Variants in NLRP7 observed in about 807,000 individuals in gnomAD.
NLRP7 encodes NACHT, LRR and PYD domains-containing protein 7.
NLRP7 carries 72 observed loss-of-function variants against 85.5 expected under a neutral mutation model. That is an observed-to-expected ratio of 0.84 (90% confidence interval 0.70 to 1.02). The LOEUF is 1.02. NLRP7 is among the 50% of genes least tolerant of loss of function. NLRP7 has a pLI of 0.00. For missense variants in NLRP7, 1,243 were observed against 1,219.5 expected (o/e 1.02, Z -0.29); for synonymous variants, 550 against 505.2 (o/e 1.09, Z -1.19).
At chr19:54,941,696 G>C in exon 2 of NLRP7, 1 of 1,612,780 alleles carries the variant, frequency 6.2e-7, no homozygotes, top group Non-Finnish European at 8.5e-7. Flanking sequence ...GTCCACTCTA[G>C]CTGGGGCGAT....
intron 9 of NLRP7, among the ~76,000 whole-genome samples, chr19:54,925,543 C>T (rs992431948): frequency 2.6e-5 from 4 of 152,018 alleles, no homozygotes; most frequent in African/African-American, 7.3e-5. Flanking sequence ...CAGTGGCTCA[C>T]GCCTGCAATC....
chr19:54,951,198 T>C (rs576472861), upstream of NLRP7, among the ~76,000 whole-genome samples: 1 of 152,172 alleles, frequency 6.6e-6, no homozygotes, highest in Non-Finnish European at 1.5e-5. Context: ...CTGTGTCTAC[T>C]TCTTTCTACA....
intron 9 of NLRP7, among the ~76,000 whole-genome samples, chr19:54,926,205 GGT>G (rs138774910): frequency 0.06 from 8,629 of 143,642 alleles, 582 homozygotes; most frequent in African/African-American, 0.15. Flanking sequence ...AATGATTAGG[GGT>G]GTGTGTGTGT....
chr19:54,939,277 G>C (rs371851565), exon 4 of NLRP7: 2 of 1,613,980 alleles, frequency 1.2e-6, no homozygotes, highest in Non-Finnish European at 1.7e-6. Flanking sequence ...CTTGAATCAG[G>C]TCGGGGTTCT....
At chr19:54,946,497 C>CT (rs35052489) in intron 1 of NLRP7, among the ~76,000 whole-genome samples, 3,384 of 140,602 alleles carry the variant, frequency 0.024, 53 homozygotes, top group South Asian at 0.042. Flanking sequence ...GCCCAGCCTA[C>CT]TTTTTTTTTT....
chr19:54,960,678 C>A (rs1272422328), intron 1 of NLRP7, among the ~76,000 whole-genome samples: 1 of 152,088 alleles, frequency 6.6e-6, no homozygotes, highest in Non-Finnish European at 1.5e-5. Context: ...TCACTGCAAG[C>A]TCCGCCTCCC....
At chr19:54,943,907 G>T (rs569583119) in intron 1 of NLRP7, among the ~76,000 whole-genome samples, 2 of 152,030 alleles carry the variant, frequency 1.3e-5, no homozygotes, top group Non-Finnish European at 2.9e-5. Flanking sequence ...TGTGTCACAC[G>T]TGGGTTTAGG....
intron 9 of NLRP7, among the ~76,000 whole-genome samples, chr19:54,924,344 C>T (rs1271984442): frequency 1.3e-5 from 2 of 152,314 alleles, no homozygotes; most frequent in East Asian, 1.9e-4. Context: ...AGATTATGGC[C>T]AGGCACGGTG....
At chr19:54,925,480 C>A (rs1246858269) in intron 9 of NLRP7, among the ~76,000 whole-genome samples, 1 of 152,090 alleles carries the variant, frequency 6.6e-6, no homozygotes, top group Non-Finnish European at 1.5e-5. Flanking sequence ...AGTTTACATG[C>A]GTATCATCTC....
At chr19:54,957,414 T>G (rs34002372) in intron 1 of NLRP7, among the ~76,000 whole-genome samples, 1 of 149,836 alleles carries the variant, frequency 6.7e-6, no homozygotes, top group Non-Finnish European at 1.5e-5. Flanking sequence ...GGTGCGATCT[T>G]AGCTCACTGC....
At chr19:54,940,371 C>G (rs777715559) in exon 4 of NLRP7, 2 of 1,614,144 alleles carry the variant, frequency 1.2e-6, no homozygotes, top group South Asian at 1.1e-5. Context: ...CTCAGAGTGA[C>G]GTCGTCATGG....
chr19:54,938,747 C>G (rs1451179577), intron 4 of NLRP7, 141 bp downstream of exon 4: 2 of 950,384 alleles, frequency 2.1e-6, no homozygotes, highest in Non-Finnish European at 3.3e-6. Flanking sequence ...GCCCCAATTC[C>G]TAATTGCCAA....
At position 54,927,691 on chromosome 19, in the gene NLRP7, G is replaced by A. The variant is rs766031898; in HGVS notation, c.2810+2808C>T. On this transcript the variant is annotated intron_variant, in intron 9 of 9. Transcript: ENST00000340844. ...TCTTCCACAAATGATTCTGGCCCAG[G>A]TCCAGAGTTTCAAGCTTCTGATTGC... is the stretch of plus-strand genomic sequence containing the variant. 3.1e-6 allele frequency: 5 copies of A among 1,613,972 alleles called. No individual in the cohort carries two copies. In the African/African-American group the frequency reaches 4.0e-5, roughly 13 times the overall value.
rs149918514 is a variant in NLRP7, at chr19:54,934,795, C to T, written c.2301-136G>A. Reference sequence around the variant, plus strand: ...CGTGATCTCACCTCACTGCAGCCTCCGCCTCCCGGGTTCAAGCTATTCTCC... The same window carrying T: ...CGTGATCTCACCTCACTGCAGCCTCTGCCTCCCGGGTTCAAGCTATTCTCC... On this transcript the variant is annotated intron_variant, in intron 6 of 9. Transcript: ENST00000340844. This position sits in a 1 kb window ranked among gnomAD's most constrained non-coding sequence, Gnocchi z 6.7. The T allele has an allele frequency of 4.1e-4, 280 of 683,944 alleles. No homozygotes were observed. Among genetic ancestry groups the T allele is most frequent in the East Asian group, 1.0e-3 (37 of 36,220 alleles). The allele number at this position is 683,944 out of a possible 1,614,324, so 42.4% of individuals were successfully genotyped here. A position where few individuals can be genotyped will look rare whatever the true frequency, so the allele number is the denominator to read the frequency against.
chr19:54,950,788 T>C (rs1240141365), upstream of NLRP7, among the ~76,000 whole-genome samples: 4 of 151,836 alleles, frequency 2.6e-5, no homozygotes, highest in African/African-American at 9.7e-5. Context: ...TGCAAAGAGG[T>C]GTTCCTTCCT....
intron 8 of NLRP7, among the ~76,000 whole-genome samples, chr19:54,932,343 G>A (rs1342216354): frequency 1.3e-5 from 2 of 151,468 alleles, no homozygotes; most frequent in Non-Finnish European, 2.9e-5. Flanking sequence ...CAGGAGAATC[G>A]CTTGAACCTG....
intron 1 of NLRP7, among the ~76,000 whole-genome samples, chr19:54,946,058 T>C (rs2069457136): frequency 6.6e-6 from 1 of 152,150 alleles, no homozygotes; most frequent in Non-Finnish European, 1.5e-5. Context: ...CCCATAGTGC[T>C]GGGATTACAG....
chr19:54,939,532 C>A (rs1410273530), exon 4 of NLRP7: 1 of 1,613,326 alleles, frequency 6.2e-7, no homozygotes, highest in Non-Finnish European at 8.5e-7. Context: ...CTCGGTGGAA[C>A]ACGGACATCT....
At chr19:54,947,102 A>G (rs1189649170) in intron 1 of NLRP7, among the ~76,000 whole-genome samples, 1 of 152,096 alleles carries the variant, frequency 6.6e-6, no homozygotes, top group African/African-American at 2.4e-5. Flanking sequence ...AGGCAGACAG[A>G]TTACCTAAAG....
Sources: gnomAD v4.1 joint callset for allele counts (sites outside exome capture counted in the v4.1 genomes callset) on GRCh38, gnomAD v4.1.1 for gene constraint, Gnocchi (gnomAD v3.1) non-coding constraint, MANE v1.5 for transcripts, NCBI Gene and HGNC (gene_info 2026-07-23, HGNC 2026-07-21) for gene names.